Variants in ABCB1 observed in about 807,000 individuals in gnomAD.
ABCB1 encodes ATP-dependent translocase ABCB1.
Under a neutral mutation model 142.0 loss-of-function variants are expected in ABCB1, and 69 were observed. That is an observed-to-expected ratio of 0.49 (90% CI 0.40 to 0.59). The LOEUF is 0.59. ABCB1 is among the 20% of genes least tolerant of loss of function. The pLI is 0.00. For missense variants in ABCB1, 1,326 were observed against 1,554.7 expected (o/e 0.85, Z 2.47); for synonymous variants, 532 against 539.2 (o/e 0.99, Z 0.18).
intron 1 of ABCB1, among the ~76,000 whole-genome samples, chr7:87,649,993 T>C (rs1409731671): frequency 6.6e-6 from 1 of 152,192 alleles, no homozygotes; most frequent in Non-Finnish European, 1.5e-5. Context: ...TAAATCTCTT[T>C]CCTTTATAAA....
At chr7:87,564,092 A>C (rs1428874971) in intron 7 of ABCB1, 71 of 442,014 alleles carry the variant, frequency 1.6e-4, no homozygotes, top group Admixed American at 1.4e-3. Context: ...GTAATGAAAT[A>C]ATCTGTATAA....
At chr7:87,615,376 G>T (rs886451155) in intron 1 of ABCB1, among the ~76,000 whole-genome samples, 2 of 152,372 alleles carry the variant, frequency 1.3e-5, no homozygotes, top group African/African-American at 4.8e-5. Context: ...GAAAAGAGCA[G>T]TAGGAGATGA....
chr7:87,628,862 C>G, intron 1 of ABCB1: 1 of 1,277,860 alleles, frequency 7.8e-7, no homozygotes, highest in Non-Finnish European at 1.0e-6. Flanking sequence ...GCGGGATCCG[C>G]GGCGGTGGCG....
intron 14 of ABCB1, among the ~76,000 whole-genome samples, chr7:87,547,585 G>A (rs1816840526): frequency 6.6e-6 from 1 of 151,686 alleles, no homozygotes; most frequent in Admixed American, 6.6e-5. Flanking sequence ...AAAAATAGCT[G>A]GGGGCTGGGC....
intron 1 of ABCB1, among the ~76,000 whole-genome samples, chr7:87,697,426 C>T (rs1309454901): frequency 6.6e-6 from 1 of 152,046 alleles, no homozygotes; most frequent in Non-Finnish European, 1.5e-5. Flanking sequence ...ATAGAATGAT[C>T]CCAGATAATA....
chr7:87,638,840 G>A (rs1005226863), intron 1 of ABCB1, among the ~76,000 whole-genome samples: 10 of 151,848 alleles, frequency 6.6e-5, no homozygotes, highest in Non-Finnish European at 1.2e-4. Flanking sequence ...TTTCTCTGTC[G>A]ACTCCTCAGT....
intron 20 of ABCB1, chr7:87,531,828 A>G: frequency 3.6e-6 from 1 of 275,854 alleles, no homozygotes; most frequent in Non-Finnish European, 6.9e-6. Context: ...CTGACAAACT[A>G]GGAATGATGG....
At chr7:87,695,182 T>C (rs1268720658) in intron 1 of ABCB1, among the ~76,000 whole-genome samples, 2 of 151,782 alleles carry the variant, frequency 1.3e-5, no homozygotes, top group Non-Finnish European at 2.9e-5. Context: ...CTTGTTCTAT[T>C]TTTTAGAACA....
At chr7:87,527,365 G>A (rs1815829330) in intron 21 of ABCB1, among the ~76,000 whole-genome samples, 1 of 152,156 alleles carries the variant, frequency 6.6e-6, no homozygotes, top group African/African-American at 2.4e-5. Flanking sequence ...CAAGGTTTTT[G>A]CACCTGCTGT....
chr7:87,681,895 A>C (rs1251632644), intron 1 of ABCB1, among the ~76,000 whole-genome samples: 2 of 152,208 alleles, frequency 1.3e-5, no homozygotes, highest in African/African-American at 4.8e-5. Context: ...TCTTCCTTTC[A>C]TGAAAGGTTT....
intron 26 of ABCB1, among the ~76,000 whole-genome samples, chr7:87,507,183 C>T (rs777063230): frequency 5.3e-5 from 8 of 152,172 alleles, no homozygotes; most frequent in Non-Finnish European, 1.0e-4. Context: ...CTGGTCTAGA[C>T]ACTGAGGAAG....
intron 1 of ABCB1, among the ~76,000 whole-genome samples, chr7:87,684,732 G>A (rs1304903581): frequency 8.8e-6 from 1 of 113,594 alleles, no homozygotes; most frequent in African/African-American, 3.3e-5. Flanking sequence ...TGGTGACAGA[G>A]TGAGACTCCG....
Position 87,506,075 on chromosome 7 carries a change from G to C in ABCB1, c.3490-32C>G, listed in dbSNP as rs770691308. 9 of 1,607,102 alleles carry C rather than the reference G, an allele frequency of 5.6e-6. No individual in the cohort carries two copies. The South Asian group carries it at 7.7e-5, about 14-fold the overall frequency. ...ATAAGGTTTTGTTGTTATGAAAGTA[G>C]AACTGAAAGTAAAGTTCTAACAGCT... On this transcript the variant is annotated intron_variant, in intron 26 of 27. Coordinates refer to ENST00000622132, the MANE Select transcript of ABCB1 (RefSeq NM_001348946.2).
intron 1 of ABCB1, chr7:87,710,533 A>AT (rs765183225): frequency 1.6e-5 from 21 of 1,307,236 alleles, no homozygotes; most frequent in Admixed American, 4.4e-5. Flanking sequence ...TATTTTTTTA[A>AT]TTTTTTTTAT....
chr7:87,577,516 C>T (rs2129879241), intron 4 of ABCB1, among the ~76,000 whole-genome samples: 1 of 152,290 alleles, frequency 6.6e-6, no homozygotes, highest in African/African-American at 2.4e-5. Flanking sequence ...TACTAATTTA[C>T]ATTCTCAAAA....
chr7:87,669,201 T>G (rs1163453395), intron 1 of ABCB1, among the ~76,000 whole-genome samples: 3 of 152,218 alleles, frequency 2.0e-5, no homozygotes, highest in Non-Finnish European at 4.4e-5. Flanking sequence ...TAGGTTTTTT[T>G]GTTGAATTGA....
chr7:87,614,101 A>G (rs1016820712), intron 1 of ABCB1, among the ~76,000 whole-genome samples: 1 of 152,134 alleles, frequency 6.6e-6, no homozygotes, highest in African/African-American at 2.4e-5. Flanking sequence ...TATAAACCAA[A>G]ATAATTATAA....
chr7:87,590,205 C>T (rs1234883361), intron 3 of ABCB1, among the ~76,000 whole-genome samples: 2 of 152,102 alleles, frequency 1.3e-5, no homozygotes, highest in Non-Finnish European at 2.9e-5. Flanking sequence ...GAAAAGCTAC[C>T]TATCCTCACA....
chr7:87,686,951 G>GAA (rs1202632144), intron 1 of ABCB1, among the ~76,000 whole-genome samples: 3 of 69,232 alleles, frequency 4.3e-5, no homozygotes, highest in African/African-American at 1.0e-4. Context: ...ATCTCCAAAA[G>GAA]AAAAAAAAAA....
Sources: allele counts gnomAD v4.1 joint callset (sites outside exome capture counted in the v4.1 genomes callset), GRCh38; gene constraint gnomAD v4.1.1; transcripts MANE v1.5; gene names NCBI Gene and HGNC (gene_info 2026-07-23, HGNC 2026-07-21).